The following IQCM variants were observed in gnomAD, a reference collection of about 807,000 sequenced individuals.
IQCM encodes IQ motif containing M.
In IQCM, 45 loss-of-function variants were observed where a neutral mutation model predicts 57.6. The ratio of observed to expected loss-of-function variants is 0.78; its 90% CI spans 0.62 to 1.00. The LOEUF (loss-of-function observed/expected upper bound fraction) is 1.00. IQCM is among the 50% of genes least tolerant of loss of function. IQCM has a pLI of 0.00. For synonymous variants in IQCM, 148 were observed against 158.9 expected (o/e 0.93, Z 0.51); for missense variants, 468 against 511.6 (o/e 0.91, Z 0.82).
intron 12 of IQCM, among the ~76,000 whole-genome samples, chr4:149,512,509 C>T (rs1744532628): frequency 6.6e-6 from 1 of 152,144 alleles, no homozygotes; most frequent in South Asian, 2.1e-4. Context: ...CAGCTTTTGA[C>T]ATTTTATATT....
rs76333741 is a variant in IQCM at position 149,604,549 on chromosome 4, C to T, written c.682-16552G>A. Among the ~76,000 whole-genome samples the T allele has an allele frequency of 3.7e-3, 561 of 152,200 alleles. 6 individuals carry two copies. Among genetic ancestry groups the T allele is most frequent in the East Asian group, 0.033 (172 of 5,176 alleles). ...ACACAATATTAACAGCCACAATATC[C>T]AAAGCCTGTGGCCATAACCCTGGCT... is the stretch of plus-strand genomic sequence containing the variant. On this transcript the variant is annotated intron_variant, in intron 8 of 13. Coordinates refer to ENST00000636793, the MANE Select transcript of IQCM (RefSeq NM_001363507.2).
At chr4:149,439,998 C>T (rs1035292639) in intron 12 of IQCM, among the ~76,000 whole-genome samples, 33 of 151,182 alleles carry the variant, frequency 2.2e-4, no homozygotes, top group African/African-American at 7.8e-4. Flanking sequence ...GCTCTGTTGC[C>T]CAGCCTGGAG....
chr4:149,687,421 A>C (rs2149790615), intron 5 of IQCM, among the ~76,000 whole-genome samples: 1 of 151,688 alleles, frequency 6.6e-6, no homozygotes, highest in Admixed American at 6.6e-5. Context: ...AATACAATAC[A>C]ATAAAAATAA....
intron 2 of IQCM, among the ~76,000 whole-genome samples, chr4:149,751,223 C>G (rs988654214): frequency 6.6e-6 from 1 of 152,142 alleles, no homozygotes; most frequent in African/African-American, 2.4e-5. Context: ...TTTCCTGATT[C>G]CTGATGAAGC....
At chr4:149,762,072 C>T (rs1769574949) in intron 2 of IQCM, among the ~76,000 whole-genome samples, 1 of 151,926 alleles carries the variant, frequency 6.6e-6, no homozygotes, top group Non-Finnish European at 1.5e-5. Context: ...ATTGACAAGG[C>T]TTAATCATCA....
chr4:149,803,813 G>A (rs77004288), intron 2 of IQCM, among the ~76,000 whole-genome samples: 1 of 151,536 alleles, frequency 6.6e-6, no homozygotes, highest in Non-Finnish European at 1.5e-5. Context: ...TCTTAAATAG[G>A]GTCTGAGATG....
chr4:149,526,429 AT>A (rs1179652020), intron 12 of IQCM, among the ~76,000 whole-genome samples: 1 of 152,012 alleles, frequency 6.6e-6, no homozygotes, highest in African/African-American at 2.4e-5. Context: ...AGCACTGAAT[AT>A]TTTTTAATTT....
At chr4:149,418,664 G>C (rs1733919179) in intron 13 of IQCM, among the ~76,000 whole-genome samples, 1 of 151,844 alleles carries the variant, frequency 6.6e-6, no homozygotes, top group African/African-American at 2.4e-5. Context: ...CAATATCTCT[G>C]ATGAAGGATA....
intron 7 of IQCM, among the ~76,000 whole-genome samples, chr4:149,657,259 C>T (rs577562429): frequency 3.9e-5 from 6 of 152,270 alleles, no homozygotes; most frequent in African/African-American, 1.4e-4. Context: ...TGACTGAGAT[C>T]ACATGGTATT....
At chr4:149,647,691 T>C (rs1758770154) in intron 7 of IQCM, among the ~76,000 whole-genome samples, 1 of 152,136 alleles carries the variant, frequency 6.6e-6, no homozygotes, top group African/African-American at 2.4e-5. Flanking sequence ...TTGGTTTTCT[T>C]CATCTTCACT....
At chr4:149,391,010 G>A (rs72953682) in intron 13 of IQCM, among the ~76,000 whole-genome samples, 2,159 of 151,960 alleles carry the variant, frequency 0.014, 63 homozygotes, top group African/African-American at 0.049. Flanking sequence ...TCAAAGCAAT[G>A]TGATACTGGC....
Position 149,503,731 on chromosome 4 carries a change from T to A in IQCM, c.1228+44724A>T, listed in dbSNP as rs553391526. Among the ~76,000 whole-genome samples the A allele has an allele frequency of 2.2e-3, 340 of 152,258 alleles. 2 individuals carry two copies. Among genetic ancestry groups the A allele is most frequent in the African/African-American group, 7.7e-3 (322 of 41,558 alleles). On this transcript the variant is annotated intron_variant, in intron 12 of 13. Coordinates refer to ENST00000636793, the MANE Select transcript of IQCM (RefSeq NM_001363507.2). ...AATGAAATAGACAAAAAATTTTTTTTAATCTGTATCAGCCCTTAAATGTTA... is the reference window on the plus strand; with the variant it reads ...AATGAAATAGACAAAAAATTTTTTTAAATCTGTATCAGCCCTTAAATGTTA...
chr4:149,701,204 G>A (rs1445678308), intron 5 of IQCM, among the ~76,000 whole-genome samples: 2 of 152,018 alleles, frequency 1.3e-5, no homozygotes, highest in Non-Finnish European at 2.9e-5. Context: ...AACCTGAGAA[G>A]GGAGCAGTCA....
intron 13 of IQCM, among the ~76,000 whole-genome samples, chr4:149,425,290 G>T (rs1285996606): frequency 6.6e-6 from 1 of 151,938 alleles, no homozygotes. Context: ...TATACATAAA[G>T]AAATTGATTA....
chr4:149,785,063 C>T (rs1483322317), intron 2 of IQCM, among the ~76,000 whole-genome samples: 6 of 152,162 alleles, frequency 3.9e-5, no homozygotes, highest in Non-Finnish European at 5.9e-5. Flanking sequence ...TTTTATGTAA[C>T]AGATGGAACA....
At chr4:149,388,395 C>T (rs948674873) in intron 13 of IQCM, among the ~76,000 whole-genome samples, 8 of 150,260 alleles carry the variant, frequency 5.3e-5, no homozygotes, top group Admixed American at 2.7e-4. Flanking sequence ...TCATAGTGAG[C>T]GTGAAGTAGA....
chr4:149,604,712 GAACA>G (rs1754621069), intron 8 of IQCM, among the ~76,000 whole-genome samples: 1 of 152,116 alleles, frequency 6.6e-6, no homozygotes, highest in Non-Finnish European at 1.5e-5. Flanking sequence ...TTATTCCTAA[GAACA>G]TTAAAAGGAA....
At chr4:149,722,940 C>T (rs1454244115) in intron 5 of IQCM, among the ~76,000 whole-genome samples, 1 of 151,986 alleles carries the variant, frequency 6.6e-6, no homozygotes, top group Admixed American at 6.6e-5. Context: ...AGATGTTTTT[C>T]TATTTATTTC....
At chr4:149,581,729 T>C (rs2654793) in intron 9 of IQCM, among the ~76,000 whole-genome samples, 38,625 of 151,502 alleles carry the variant, frequency 0.25, 5,313 homozygotes, top group Non-Finnish European at 0.3. Flanking sequence ...ATACTGTGTT[T>C]TTTCCTGAGC....
Sources: allele counts gnomAD v4.1 joint callset (sites outside exome capture counted in the v4.1 genomes callset), GRCh38; gene constraint gnomAD v4.1.1; transcripts MANE v1.5; gene names NCBI Gene and HGNC (gene_info 2026-07-23, HGNC 2026-07-21).